PDE10A: variants seen among roughly 807,000 people sequenced by gnomAD.
The protein encoded by PDE10A is cAMP and cAMP-inhibited cGMP 3',5'-cyclic phosphodiesterase 10A.
PDE10A carries 39 observed loss-of-function variants against 97.7 expected under a neutral mutation model. The ratio of observed to expected loss-of-function variants is 0.40; its 90% confidence interval spans 0.31 to 0.52. The LOEUF (loss-of-function observed/expected upper bound fraction) is 0.52. PDE10A is among the 20% of genes least tolerant of loss of function. PDE10A has a pLI of 0.56. For missense variants in PDE10A, 731 were observed against 1,047.8 expected (o/e 0.70, Z 4.17); for synonymous variants, 371 against 376.8 (o/e 0.98, Z 0.18).
chr6:165,908,313 C>T (rs1183856596), intron 1 of PDE10A, among the ~76,000 whole-genome samples: 1 of 152,108 alleles, frequency 6.6e-6, no homozygotes, highest in South Asian at 2.1e-4. Flanking sequence ...TCTTAGAGAA[C>T]GAGAAAGTGC....
Position 165,388,427 on chromosome 6 carries a change from C to A in PDE10A, c.2481G>T (p.Leu827=). 6.2e-7 allele frequency: 1 copy of A among 1,614,162 alleles called. No individual in the cohort carries two copies. The highest frequency in any genetic ancestry group is 8.5e-7 in the Non-Finnish European group (1 of 1,180,012). ...LERKGLLIAC[L]CHDLDHRGFS... is the part of the protein sequence containing the mutation. ...AGCCCCTGTGGTCCAGGTCATGACA[C>A]AGACACGCAATCAGCAGTCCTTTGC... Residue 827 remains leucine (L), a synonymous_variant, in exon 17 of 22, where the codon CTG becomes CTT. Coordinates refer to ENST00000539869, the MANE Select transcript of PDE10A (RefSeq NM_001385079.1). This position sits in a 1 kb window ranked among gnomAD's most constrained non-coding sequence, Gnocchi z 4.0.
chr6:165,733,783 T>C (rs1792496832), intron 1 of PDE10A, among the ~76,000 whole-genome samples: 1 of 152,168 alleles, frequency 6.6e-6, no homozygotes, highest in South Asian at 2.1e-4. Context: ...AATCTCTTCT[T>C]CCTGCACCAA....
intron 1 of PDE10A, among the ~76,000 whole-genome samples, chr6:165,961,105 TGTGGTGGGAGG>T (rs911770285): frequency 2.0e-5 from 3 of 147,530 alleles, no homozygotes; most frequent in Non-Finnish European, 4.5e-5. Flanking sequence ...AGGCCAGGCT[TGTGGTGGGAGG>T]GTGGGGATGG....
chr6:165,691,442 A>G (rs1791294035), intron 1 of PDE10A, among the ~76,000 whole-genome samples: 1 of 152,138 alleles, frequency 6.6e-6, no homozygotes, highest in African/African-American at 2.4e-5. Context: ...CTGTGTGTGT[A>G]GTGGGCTGTG....
chr6:165,747,681 G>A (rs1308096314), intron 1 of PDE10A, among the ~76,000 whole-genome samples: 1 of 152,164 alleles, frequency 6.6e-6, no homozygotes, highest in African/African-American at 2.4e-5. Flanking sequence ...AAATGAGCCA[G>A]TAGGTGGGTA....
chr6:165,486,825 C>A (rs1779950372), intron 2 of PDE10A, among the ~76,000 whole-genome samples: 1 of 152,184 alleles, frequency 6.6e-6, no homozygotes, highest in Non-Finnish European at 1.5e-5. Context: ...TCTGTCACTT[C>A]AGGGGAGAAT....
chr6:165,850,680 C>T (rs561912768), intron 1 of PDE10A, among the ~76,000 whole-genome samples: 12 of 152,262 alleles, frequency 7.9e-5, no homozygotes, highest in African/African-American at 2.9e-4. Context: ...GCTCAGACTT[C>T]CCTAAACTTC....
intron 1 of PDE10A, among the ~76,000 whole-genome samples, chr6:165,761,234 G>A (rs755720695): frequency 3.3e-5 from 5 of 152,256 alleles, no homozygotes; most frequent in Non-Finnish European, 4.4e-5. Context: ...TTTCCTGGCC[G>A]TGTGACAAGA....
At chr6:165,945,724 T>C (rs924925837) in intron 1 of PDE10A, among the ~76,000 whole-genome samples, 1 of 152,234 alleles carries the variant, frequency 6.6e-6, no homozygotes, top group Non-Finnish European at 1.5e-5. Context: ...TTCTGTTGTT[T>C]ATAGTATTTG....
At chr6:165,336,073 C>G in intron 21 of PDE10A, 50 bp downstream of exon 21, 1 of 1,325,354 alleles carries the variant, frequency 7.5e-7, no homozygotes, top group Non-Finnish European at 1.1e-6. Context: ...CTATACAGAT[C>G]TCAGTGTTGT....
intron 1 of PDE10A, among the ~76,000 whole-genome samples, chr6:165,680,950 G>T (rs1790959198): frequency 6.6e-6 from 1 of 152,272 alleles, no homozygotes; most frequent in South Asian, 2.1e-4. Flanking sequence ...TATGTTTTAG[G>T]GTGGCCAGCT....
At chr6:165,751,179 C>T (rs10946101) in intron 1 of PDE10A, among the ~76,000 whole-genome samples, 1 of 152,192 alleles carries the variant, frequency 6.6e-6, no homozygotes, top group Non-Finnish European at 1.5e-5. Context: ...CACCACATAC[C>T]AAGCACCTTT....
chr6:165,488,298 C>T lies in PDE10A; in HGVS notation c.995-5955G>A, dbSNP rs1235139677. On this transcript the variant is annotated intron_variant, in intron 2 of 21. Transcript: ENST00000539869. ...AAAGATAAAGCATCTTTGATCCAAA[C>T]CTCATTTTAATACCTTTTAAAAGCC... Among the ~76,000 whole-genome samples, 4 of 152,102 alleles carry T rather than the reference C, an allele frequency of 2.6e-5. No homozygotes were observed. In the East Asian group the frequency reaches 7.7e-4, roughly 29 times the overall value.
intron 1 of PDE10A, among the ~76,000 whole-genome samples, chr6:165,656,358 A>T (rs1789967372): frequency 6.6e-6 from 1 of 150,460 alleles, no homozygotes. Context: ...AGCCACCTGG[A>T]TGTGTGACTA....
chr6:165,927,985 C>T (rs1486265613), intron 1 of PDE10A, among the ~76,000 whole-genome samples: 1 of 150,754 alleles, frequency 6.6e-6, no homozygotes, highest in East Asian at 1.9e-4. Flanking sequence ...GCGTGAGCCA[C>T]CACGCCAGGC....
chr6:165,864,782 C>T (rs1477639934), intron 1 of PDE10A, among the ~76,000 whole-genome samples: 3 of 152,006 alleles, frequency 2.0e-5, no homozygotes, highest in African/African-American at 4.8e-5. Flanking sequence ...AATAGTTAAA[C>T]GAATTATGGC....
intron 1 of PDE10A, among the ~76,000 whole-genome samples, chr6:165,900,653 C>T (rs1189642367): frequency 6.6e-6 from 1 of 152,124 alleles, no homozygotes; most frequent in Non-Finnish European, 1.5e-5. Context: ...CACCTTTCTT[C>T]CAAACCCAGT....
chr6:165,424,227 G>T (rs1484601729), intron 10 of PDE10A, among the ~76,000 whole-genome samples: 1 of 152,094 alleles, frequency 6.6e-6, no homozygotes, highest in African/African-American at 2.4e-5. Flanking sequence ...AAGCTTTCAG[G>T]GCACTGTTAT....
At chr6:165,405,897 T>C (rs2128223003) in intron 13 of PDE10A, among the ~76,000 whole-genome samples, 1 of 152,292 alleles carries the variant, frequency 6.6e-6, no homozygotes, top group East Asian at 1.9e-4. Context: ...TCCTGTAGTC[T>C]GTGCCAAGGA....
Sources: gnomAD v4.1 joint callset for allele counts (sites outside exome capture counted in the v4.1 genomes callset) on GRCh38, gnomAD v4.1.1 for gene constraint, Gnocchi (gnomAD v3.1) non-coding constraint, MANE v1.5 for transcripts, NCBI Gene and HGNC (gene_info 2026-07-23, HGNC 2026-07-21) for gene names.